DECR2: variants seen among roughly 807,000 people sequenced by gnomAD.
DECR2 encodes 2,4-dienoyl-CoA reductase 2.
A neutral mutation model predicts 29.2 loss-of-function variants in DECR2; 34 were observed. That is an observed-to-expected ratio of 1.16 (90% CI 0.89 to 1.55). The LOEUF (loss-of-function observed/expected upper bound fraction) is 1.55. Among genes scored for constraint, DECR2 ranks in the 40% most tolerant of loss-of-function variants. The probability of loss-of-function intolerance (pLI) is 0.00; values close to 1 mark genes in which losing one functional copy is unlikely to be tolerated. For synonymous variants in DECR2, 224 were observed against 182.7 expected (o/e 1.23, Z -1.82); for missense variants, 485 against 425.3 (o/e 1.14, Z -1.23).
At chr16:404,200 TTAAA>T (rs201370783) in intron 1 of DECR2, among the ~76,000 whole-genome samples, 4,596 of 151,842 alleles carry the variant, frequency 0.03, 232 homozygotes, top group African/African-American at 0.1. Context: ...AATAAATAAA[TTAAA>T]TAAAATACTA....
In DECR2 at chr16:406,354, G is replaced by A. The variant is rs940911049; in HGVS notation, c.158G>A (p.Cys53Tyr). 15 of 1,607,254 alleles carry A rather than the reference G, an allele frequency of 9.3e-6. No individual in the cohort carries two copies. Among genetic ancestry groups the A allele is most frequent in the African/African-American group, 1.3e-5 (1 of 75,064 alleles). Residue 53 changes from cysteine to tyrosine, a missense_variant, in exon 3 of 9, where the codon TGC becomes TAC. Transcript: ENST00000219481. ...RIAEIFMRHG[C>Y]HTVIASRSLP... ...TGCTTCTGGTTTTGCAGGCACGGCT[G>A]CCATACGGTGATTGCCAGTAGGAGC...
Position 411,515 on chromosome 16 carries a change from G to A in DECR2, c.816G>A (p.Trp272Ter). 6.2e-7 allele frequency: 1 copy of A among 1,614,084 alleles called. No homozygotes were observed. The highest frequency in any genetic ancestry group is 8.5e-7 in the Non-Finnish European group (1 of 1,180,008). ...TGCTGGTGGCCGATGGCGGGGCATGGTTGACGTTCCCAAACGGTGTCAAAG... is the reference window on the plus strand; with the variant it reads ...TGCTGGTGGCCGATGGCGGGGCATGATTGACGTTCCCAAACGGTGTCAAAG... ...GAVLVADGGAWLTFPNGVKGL... is the reference protein window; with the variant it reads ...GAVLVADGGA The change falls in exon 8 of 9, where the codon TGG (tryptophan) becomes TGA (stop). Residue 272 changes from tryptophan to a stop codon, truncating the protein, a stop_gained. Transcript: ENST00000219481. LOFTEE classifies it high-confidence loss of function.
At chr16:404,216 A>T (rs1353845736) in intron 1 of DECR2, among the ~76,000 whole-genome samples, 1 of 151,806 alleles carries the variant, frequency 6.6e-6, no homozygotes, top group Non-Finnish European at 1.5e-5. Context: ...AAAATACTAT[A>T]ATTTTATGAA....
chr16:404,926 T>A (rs767855290), intron 1 of DECR2, 30 bp from the exon 2 acceptor site: 1 of 1,613,666 alleles, frequency 6.2e-7, no homozygotes, highest in Non-Finnish European at 8.5e-7. Context: ...AATAGGGCTC[T>A]TTTAAAAGAG....
chr16:405,401 G>C (rs934103888), intron 2 of DECR2: 1 of 642,970 alleles, frequency 1.6e-6, no homozygotes, highest in Non-Finnish European at 2.3e-6. Flanking sequence ...GTTAGGCTGG[G>C]GTGGGGGAAA....
chr16:402,076 G>A (rs770809526), intron 1 of DECR2, 33 bp downstream of exon 1: 45 of 1,324,228 alleles, frequency 3.4e-5, no homozygotes, highest in Non-Finnish European at 4.1e-5. Flanking sequence ...GCGCAGCCTT[G>A]GTGCGGGGTC....
chr16:406,968 G>C (rs931841617), intron 3 of DECR2: 1 of 1,019,952 alleles, frequency 9.8e-7, no homozygotes, highest in African/African-American at 1.7e-5. Context: ...TGGCCTCCCA[G>C]AGACATCTTT....
Position 410,337 on chromosome 16 carries a change from G to T in DECR2, c.432G>T (p.Val144=). ...MDIDTSGTFN[V]SRVLYEKFFR... is the part of the protein sequence containing the mutation. ...TCGATACCAGCGGCACCTTCAATGT[G>T]TCTCGTGTGCTCTATGAGAAGTTCT... The change falls in exon 5 of 9, where the codon GTG becomes GTT. Residue 144 remains valine (V), a synonymous_variant. Coordinates refer to ENST00000219481, the MANE Select transcript of DECR2 (RefSeq NM_020664.4). The surrounding 1 kb of genome is among the most constrained non-coding windows in gnomAD (Gnocchi z 4.1). 10 of 1,612,660 alleles carry T rather than the reference G, an allele frequency of 6.2e-6. No homozygotes were observed. The highest frequency in any genetic ancestry group is 8.5e-6 in the Non-Finnish European group (10 of 1,179,300).
intron 7 of DECR2, 132 bp downstream of exon 7, chr16:411,208 C>T (rs1567342481): frequency 8.5e-7 from 1 of 1,176,646 alleles, no homozygotes; most frequent in Admixed American, 2.8e-5. Context: ...CAACTATGTT[C>T]TGTGCCTGGC....
At chr16:407,190 C>G (rs117423281) in intron 3 of DECR2, 1 of 1,344,564 alleles carries the variant, frequency 7.4e-7, no homozygotes, top group Non-Finnish European at 9.6e-7. Flanking sequence ...GCCTGGAGGG[C>G]GACGCAGAGG....
Position 410,313 on chromosome 16 carries a change from C to A in DECR2, c.408C>A (p.Ile136=), listed in dbSNP as rs773335348. 22 of 1,613,530 alleles carry A rather than the reference C, an allele frequency of 1.4e-5. No homozygotes were observed. In the East Asian group the frequency reaches 4.9e-4, roughly 36 times the overall value. The part of the protein sequence containing the change: ...SFNAFKTVMD[I]DTSGTFNVSR... ...ACGCCTTCAAGACCGTGATGGACAT[C>A]GATACCAGCGGCACCTTCAATGTGT... Residue 136 remains isoleucine, a synonymous_variant, in exon 5 of 9, where the codon ATC becomes ATA. Transcript: ENST00000219481. The surrounding 1 kb of genome is among the most constrained non-coding windows in gnomAD (Gnocchi z 4.1).
Position 410,320 on chromosome 16 carries a change from A to G in DECR2, c.415A>G (p.Ser139Gly). Reference sequence around the variant, plus strand: ...CAAGACCGTGATGGACATCGATACCAGCGGCACCTTCAATGTGTCTCGTGT... The same window carrying G: ...CAAGACCGTGATGGACATCGATACCGGCGGCACCTTCAATGTGTCTCGTGT... ...AFKTVMDIDTSGTFNVSRVLY... is the reference protein window; with the variant it reads ...AFKTVMDIDTGGTFNVSRVLY... Residue 139 changes from serine (S) to glycine (G), a missense_variant, in exon 5 of 9, where the codon AGC becomes GGC. By Grantham distance (56) the Ser-to-Gly change is moderately conservative. Coordinates refer to ENST00000219481, the MANE Select transcript of DECR2 (RefSeq NM_020664.4). The surrounding 1 kb of genome is among the most constrained non-coding windows in gnomAD (Gnocchi z 4.1). The G allele has an allele frequency of 6.2e-7, 1 of 1,613,164 alleles. No homozygotes were observed.
At position 404,197 on chromosome 16, in the gene DECR2, A is replaced by T. The variant is rs139140550; in HGVS notation, c.81-759A>T. Among the ~76,000 whole-genome samples, 596 of 151,176 alleles carry T rather than the reference A, an allele frequency of 3.9e-3. 4 individuals carry two copies. The highest frequency in any genetic ancestry group is 0.021 in the South Asian group (101 of 4,810). On this transcript the variant is annotated intron_variant, in intron 1 of 8. Coordinates refer to ENST00000219481, the MANE Select transcript of DECR2 (RefSeq NM_020664.4). ...CAAAAAAAATAAAAAATAAATAAAT[A>T]AATTAAATAAAATACTATAATTTTA...
chr16:407,974 C>T (rs1243408025), intron 4 of DECR2, among the ~76,000 whole-genome samples: 5 of 99,274 alleles, frequency 5.0e-5, no homozygotes, highest in African/African-American at 8.0e-5. Flanking sequence ...TCTCCGGCCC[C>T]CTGTCTCCGG....
intron 4 of DECR2, 148 bp downstream of exon 4, chr16:407,708 G>A (rs2054743082): frequency 1.5e-6 from 2 of 1,315,800 alleles, no homozygotes; most frequent in East Asian, 4.8e-5. Flanking sequence ...AGGTACCTGA[G>A]GCCAAGACTC....
At chr16:406,459 T>C in intron 3 of DECR2, 62 bp downstream of exon 3, 1 of 1,575,058 alleles carries the variant, frequency 6.3e-7, no homozygotes, top group South Asian at 1.1e-5. Flanking sequence ...GGGCTGGGCC[T>C]GGGCCAGGAG....
Position 410,740 on chromosome 16 carries a change from G to C in DECR2, c.512G>C (p.Gly171Ala). Residue 171 changes from glycine to alanine, a missense_variant, in exon 6 of 9, where the codon GGG becomes GCG. Physicochemically the swap from Gly to Ala is moderately conservative, Grantham distance 60. Coordinates refer to ENST00000219481, the MANE Select transcript of DECR2 (RefSeq NM_020664.4). This position sits in a 1 kb window ranked among gnomAD's most constrained non-coding sequence, Gnocchi z 4.1. ...ATCACTGCCACCCTGGGGAACCGGG[G>C]GCAGGCGCTCCAGGTGCATGCAGGC... ...VNITATLGNR[G>A]QALQVHAGSA... The C allele has an allele frequency of 6.2e-7, 1 of 1,607,926 alleles. No individual in the cohort carries two copies. Among genetic ancestry groups the C allele is most frequent in the Non-Finnish European group, 8.5e-7 (1 of 1,178,798 alleles).
chr16:410,385 T>TC lies in DECR2; in HGVS notation c.462+19dup. On this transcript the variant is annotated intron_variant, in intron 5 of 8. Transcript: ENST00000219481. This position sits in a 1 kb window ranked among gnomAD's most constrained non-coding sequence, Gnocchi z 4.1. ...TCTTCCGGGTGGGTGCCTCGTGCGC[T>TC]CTGTGAGAAGTTCTTCCGGGTGGGT... The TC allele has an allele frequency of 6.3e-7, 1 of 1,587,784 alleles. No individual in the cohort carries two copies. The highest frequency in any genetic ancestry group is 8.6e-7 in the Non-Finnish European group (1 of 1,165,452).
In DECR2 at chr16:405,410, A is replaced by G. The variant is rs7184703; in HGVS notation, c.149+386A>G. Reference sequence around the variant, plus strand: ...GCTAGAGTTAGGCTGGGGTGGGGGAAAGGGACCCTTCCTCAGTTCCCCTGA... The same window carrying G: ...GCTAGAGTTAGGCTGGGGTGGGGGAGAGGGACCCTTCCTCAGTTCCCCTGA... On this transcript the variant is annotated intron_variant, in intron 2 of 8. Coordinates refer to ENST00000219481, the MANE Select transcript of DECR2 (RefSeq NM_020664.4). 12,913 of 732,446 alleles carry G rather than the reference A, an allele frequency of 0.018. 1,195 individuals are homozygous for G. In the African/African-American group the frequency reaches 0.2, roughly 11 times the overall value. 45.4% of individuals were successfully genotyped at this position (732,446 alleles called of 1,614,324 possible). A position where few individuals can be genotyped will look rare whatever the true frequency, so the allele number is the denominator to read the frequency against.
Sources: allele counts gnomAD v4.1 joint callset (sites outside exome capture counted in the v4.1 genomes callset), GRCh38; gene constraint gnomAD v4.1.1; non-coding constraint Gnocchi (gnomAD v3.1); transcripts MANE v1.5; gene names NCBI Gene and HGNC (gene_info 2026-07-23, HGNC 2026-07-21).